CCDC201: variants seen among roughly 807,000 people sequenced by gnomAD.
CCDC201 encodes the protein coiled-coil domain containing 201, also known as coiled-coil domain-containing protein 201.
the CCDC201 span, among the ~76,000 whole-genome samples, chr7:45,883,985 TTTTC>T: frequency 7.1e-4 from 106 of 148,544 alleles, no homozygotes; most frequent in African/African-American, 1.8e-3. Context: ...CTTTCTTTTC[TTTTC>T]TTTCTTTTTC....
the CCDC201 span, among the ~76,000 whole-genome samples, chr7:45,879,061 T>A: frequency 6.6e-6 from 1 of 152,324 alleles, no homozygotes; most frequent in East Asian, 1.9e-4. Context: ...GTTTAACAGA[T>A]CCCTCGAGCA....
the CCDC201 span, among the ~76,000 whole-genome samples, chr7:45,883,622 T>G: frequency 7.2e-5 from 11 of 152,204 alleles, no homozygotes; most frequent in African/African-American, 2.7e-4. Context: ...AGCTACGGCA[T>G]GGACCTCGTC....
chr7:45,873,962 AC>A (rs1786771799), upstream of CCDC201, among the ~76,000 whole-genome samples: 1 of 146,602 alleles, frequency 6.8e-6, no homozygotes, highest in African/African-American at 2.6e-5. Context: ...TTGCTCTGTA[AC>A]CCAGGCTAGA....
upstream of CCDC201, among the ~76,000 whole-genome samples, chr7:45,875,322 C>T (rs187791231): frequency 2.2e-4 from 34 of 151,994 alleles, no homozygotes; most frequent in African/African-American, 8.2e-4. Flanking sequence ...TGGTGAAACC[C>T]CATCTCTACT....
chr7:45,879,362 C>A, the CCDC201 span, among the ~76,000 whole-genome samples: 11,577 of 152,248 alleles, frequency 0.076, 734 homozygotes, highest in African/African-American at 0.17. Context: ...TCACTCCTGG[C>A]ACCAATTTTC....
At chr7:45,883,381 CA>C in the CCDC201 span, among the ~76,000 whole-genome samples, 1 of 152,224 alleles carries the variant, frequency 6.6e-6, no homozygotes. Context: ...CAGGATTGCA[CA>C]GGGGGGCACT....
At chr7:45,870,080 G>A (rs1330765252) in intron 1 of CCDC201, among the ~76,000 whole-genome samples, 5 of 152,188 alleles carry the variant, frequency 3.3e-5, no homozygotes, top group Non-Finnish European at 7.3e-5. Context: ...GCCTCCCAAA[G>A]TGCTAGGATT....
At chr7:45,875,219 G>A (rs1045290263), upstream of CCDC201, among the ~76,000 whole-genome samples, 1 of 152,132 alleles carries the variant, frequency 6.6e-6, no homozygotes, top group Non-Finnish European at 1.5e-5. Context: ...ACAGGGTTGG[G>A]AACAGTGGCT....
chr7:45,867,009 T>C (rs945032758), intron 1 of CCDC201, among the ~76,000 whole-genome samples: 4 of 152,230 alleles, frequency 2.6e-5, no homozygotes, highest in South Asian at 4.1e-4. Flanking sequence ...CAGGATGGAC[T>C]GTAACAATTC....
chr7:45,880,837 G>T, the CCDC201 span, among the ~76,000 whole-genome samples: 1 of 152,212 alleles, frequency 6.6e-6, no homozygotes, highest in Non-Finnish European at 1.5e-5. Context: ...CCTGGGGTGG[G>T]AGAGGTCCTG....
At chr7:45,877,001 T>A (rs927506778), upstream of CCDC201, among the ~76,000 whole-genome samples, 2 of 152,196 alleles carry the variant, frequency 1.3e-5, no homozygotes, top group Non-Finnish European at 2.9e-5. Flanking sequence ...ACAGTGCTTG[T>A]GGAAGTGGTG....
chr7:45,882,985 G>A, the CCDC201 span, among the ~76,000 whole-genome samples: 1 of 152,174 alleles, frequency 6.6e-6, no homozygotes, highest in Admixed American at 6.5e-5. Context: ...AAGGGTAAAG[G>A]CTTTGATTCG....
chr7:45,868,266 G>A (rs1304998281), intron 1 of CCDC201, among the ~76,000 whole-genome samples: 1 of 152,066 alleles, frequency 6.6e-6, no homozygotes, highest in Non-Finnish European at 1.5e-5. Flanking sequence ...GCCTCTCCAG[G>A]GGCTAGTTGA....
At chr7:45,871,183 T>C (rs747635753) in intron 1 of CCDC201, among the ~76,000 whole-genome samples, 1 of 152,188 alleles carries the variant, frequency 6.6e-6, no homozygotes, top group Non-Finnish European at 1.5e-5. Flanking sequence ...TAGGAGGATG[T>C]CATGTGGCAG....
At chr7:45,876,376 G>A (rs996124396), upstream of CCDC201, among the ~76,000 whole-genome samples, 1 of 152,146 alleles carries the variant, frequency 6.6e-6, no homozygotes, top group Non-Finnish European at 1.5e-5. Flanking sequence ...TATTCCATTT[G>A]CCAATGGGAA....
At chr7:45,866,936 A>T (rs1462435603) in intron 1 of CCDC201, among the ~76,000 whole-genome samples, 4 of 152,230 alleles carry the variant, frequency 2.6e-5, no homozygotes, top group Non-Finnish European at 4.4e-5. Context: ...GGTGAAGCAC[A>T]CTGGGCAGGT....
intron 1 of CCDC201, among the ~76,000 whole-genome samples, chr7:45,871,840 GGTTTT>G (rs913299338): frequency 2.0e-5 from 3 of 152,160 alleles, no homozygotes; most frequent in African/African-American, 7.2e-5. Flanking sequence ...ATTCCCATTT[GGTTTT>G]ATCTATCGGA....
intron 1 of CCDC201, among the ~76,000 whole-genome samples, chr7:45,871,711 C>A (rs1786744718): frequency 6.6e-6 from 1 of 152,218 alleles, no homozygotes; most frequent in Non-Finnish European, 1.5e-5. Flanking sequence ...AGAAAAACAT[C>A]CAACAACCTG....
the CCDC201 span, among the ~76,000 whole-genome samples, chr7:45,878,264 C>A: frequency 6.6e-6 from 1 of 152,344 alleles, no homozygotes; most frequent in Non-Finnish European, 1.5e-5. Flanking sequence ...GTGGATCTAT[C>A]ATTCTGGAGT....
Sources: allele counts gnomAD v4.1 joint callset (sites outside exome capture counted in the v4.1 genomes callset), GRCh38; gene constraint gnomAD v4.1.1; transcripts MANE v1.5; gene names NCBI Gene and HGNC (gene_info 2026-07-23, HGNC 2026-07-21).